CLTC: variants seen among roughly 807,000 people sequenced by gnomAD.
CLTC encodes the protein clathrin heavy chain, also known as clathrin heavy chain 1.
A neutral mutation model predicts 195.8 loss-of-function variants in CLTC; 16 were observed. The observed-to-expected ratio is 0.08, with a 90% CI of 0.06 to 0.12. The LOEUF is 0.12. CLTC is among the 10% of genes least tolerant of loss of function. CLTC has a pLI of 1.00. For synonymous variants in CLTC, 667 were observed against 689.4 expected, an observed-to-expected ratio of 0.97 and a Z score of 0.51; for missense variants, 796 against 2,027.0, an observed-to-expected ratio of 0.39 and a Z score of 11.66.
chr17:59,639,052 A>G (rs542029442), intron 1 of CLTC, among the ~76,000 whole-genome samples: 60 of 152,336 alleles, frequency 3.9e-4, no homozygotes, highest in African/African-American at 1.3e-3. Context: ...TTTAGGTGTC[A>G]AGTCCTAAAG....
intron 1 of CLTC, among the ~76,000 whole-genome samples, chr17:59,622,711 C>T (rs1319379594): frequency 2.0e-5 from 3 of 151,976 alleles, no homozygotes; most frequent in African/African-American, 7.2e-5. Context: ...TGGTCTTTGA[C>T]CTCTGAGCTT....
At chr17:59,674,529 T>C (rs2032923270) in intron 15 of CLTC, 172 bp from the exon 16 acceptor site, 1 of 553,540 alleles carries the variant, frequency 1.8e-6, no homozygotes, top group East Asian at 3.1e-5. Context: ...GACTTCCTGC[T>C]AAATTCCTCT....
chr17:59,680,345 T>C (rs2143589144), intron 18 of CLTC, among the ~76,000 whole-genome samples: 1 of 152,246 alleles, frequency 6.6e-6, no homozygotes, highest in South Asian at 2.1e-4. Context: ...GACAACATAT[T>C]TTAAAAGTTC....
intron 1 of CLTC, among the ~76,000 whole-genome samples, chr17:59,637,894 C>T (rs2143476509): frequency 6.7e-6 from 1 of 150,252 alleles, no homozygotes; most frequent in East Asian, 2.0e-4. Flanking sequence ...CCACCCTGGG[C>T]CACAGAGCAA....
At chr17:59,657,599 T>C (rs1472143564) in intron 6 of CLTC, among the ~76,000 whole-genome samples, 1 of 151,742 alleles carries the variant, frequency 6.6e-6, no homozygotes, top group Non-Finnish European at 1.5e-5. Flanking sequence ...AAACCCTGTC[T>C]CTACTAAAAA....
intron 1 of CLTC, among the ~76,000 whole-genome samples, chr17:59,638,676 A>G (rs1394595579): frequency 6.6e-6 from 1 of 152,132 alleles, no homozygotes; most frequent in African/African-American, 2.4e-5. Context: ...AGTTCACAAT[A>G]GGGTTCGCGT....
chr17:59,690,559 G>C, intron 30 of CLTC, 77 bp from the exon 31 acceptor site: 1 of 970,904 alleles, frequency 1.0e-6, no homozygotes, highest in Admixed American at 2.1e-5. Flanking sequence ...ACATACTAAG[G>C]CTTTTCCACT....
chr17:59,636,531 C>T (rs530989437), intron 1 of CLTC, among the ~76,000 whole-genome samples: 1 of 152,162 alleles, frequency 6.6e-6, no homozygotes, highest in African/African-American at 2.4e-5. Context: ...TCTCAGCTCA[C>T]TGCAACCTCT....
chr17:59,637,751 C>T (rs2031912220), intron 1 of CLTC, among the ~76,000 whole-genome samples: 1 of 149,938 alleles, frequency 6.7e-6, no homozygotes, highest in Non-Finnish European at 1.5e-5. Context: ...GTGGTACCAT[C>T]TATTTGGAAG....
chr17:59,659,619 AT>A (rs998674557), intron 6 of CLTC, among the ~76,000 whole-genome samples: 21 of 146,056 alleles, frequency 1.4e-4, no homozygotes, highest in Admixed American at 1.4e-4. Flanking sequence ...TAATTTTTAT[AT>A]TTTTTTTTTA....
At chr17:59,684,116 A>C in intron 28 of CLTC, 131 bp downstream of exon 28, 1 of 615,022 alleles carries the variant, frequency 1.6e-6, no homozygotes, top group East Asian at 2.8e-5. Flanking sequence ...AAATTTAGTA[A>C]GATTTCAGGA....
chr17:59,694,092 CT>C lies in CLTC; in HGVS notation c.*247del, dbSNP rs2033369837. The C allele has an allele frequency of 1.2e-5, 4 of 325,982 alleles. No homozygotes were observed. Among genetic ancestry groups the C allele is most frequent in the African/African-American group, 2.1e-5 (1 of 46,872 alleles). 20.2% of individuals were successfully genotyped at this position (325,982 alleles called of 1,614,324 possible). On this transcript the variant is annotated 3_prime_UTR_variant, in exon 32 of 32. Coordinates refer to ENST00000269122, the MANE Select transcript of CLTC (RefSeq NM_004859.4). ...AGTTTCAATGTTTTATTCACTTGGGCTTTTTTTCTTCCCCCTCTTTCTTTAA... is the reference window on the plus strand; with the variant it reads ...AGTTTCAATGTTTTATTCACTTGGGCTTTTTTCTTCCCCCTCTTTCTTTAA...
At position 59,674,774 on chromosome 17, in the gene CLTC, A is replaced by C. The variant is rs1296725950; in HGVS notation, c.2492A>C (p.Asn831Thr). 6.2e-7 allele frequency: 1 copy of C among 1,613,496 alleles called. No individual in the cohort carries two copies. Among genetic ancestry groups the C allele is most frequent in the Non-Finnish European group, 8.5e-7 (1 of 1,179,698 alleles). Reference sequence around the variant, plus strand: ...GACTGTTCTGAAGATGTCATAAAAAACTTGATTCTTGTTGTAAGAGGTCAA... The same window carrying C: ...GACTGTTCTGAAGATGTCATAAAAACCTTGATTCTTGTTGTAAGAGGTCAA... ...DVDCSEDVIK[N>T]LILVVRGQFS... The change falls in exon 16 of 32, where the codon AAC (asparagine) becomes ACC (threonine). Residue 831 changes from asparagine to threonine, a missense_variant. Transcript: ENST00000269122.
In CLTC at chr17:59,682,404, A is replaced by G. The variant is rs2033098578; in HGVS notation, c.3576A>G (p.Gly1192=). The G allele has an allele frequency of 1.9e-6, 3 of 1,613,968 alleles. No individual in the cohort carries two copies. The highest frequency in any genetic ancestry group is 2.5e-6 in the Non-Finnish European group (3 of 1,179,990). Residue 1192 remains glycine, a synonymous_variant, in exon 22 of 32, where the codon GGA becomes GGG. Transcript: ENST00000269122. The surrounding 1 kb of genome is among the most constrained non-coding windows in gnomAD (Gnocchi z 6.8). Reference sequence around the variant, plus strand: ...CAGAGTTAGAAGAATTTATCAATGGACCAAATAATGCTCATATCCAACAAG... The same window carrying G: ...CAGAGTTAGAAGAATTTATCAATGGGCCAAATAATGCTCATATCCAACAAG... ...RLAELEEFIN[G]PNNAHIQQVG...
chr17:59,659,555 A>T (rs1370582255), intron 6 of CLTC, among the ~76,000 whole-genome samples: 1 of 149,518 alleles, frequency 6.7e-6, no homozygotes, highest in Non-Finnish European at 1.5e-5. Flanking sequence ...GGTTCAAGCG[A>T]TTCTCCTGCT....
intron 30 of CLTC, among the ~76,000 whole-genome samples, chr17:59,687,443 G>A (rs775196079): frequency 1.3e-5 from 2 of 151,046 alleles, no homozygotes; most frequent in Admixed American, 6.6e-5. Context: ...GACAGTTGTC[G>A]AATTTATATA....
Position 59,683,316 on chromosome 17 carries a change from C to G in CLTC, c.4041+54C>G, listed in dbSNP as rs1277862213. 6.6e-5 allele frequency: 105 copies of G among 1,602,146 alleles called. No individual in the cohort carries two copies. The highest frequency in any genetic ancestry group is 8.8e-5 in the Non-Finnish European group (103 of 1,173,822). On this transcript the variant is annotated intron_variant, in intron 25 of 31. Coordinates refer to ENST00000269122, the MANE Select transcript of CLTC (RefSeq NM_004859.4). The surrounding 1 kb of genome is among the most constrained non-coding windows in gnomAD (Gnocchi z 6.1). ...AACTGTGTAGTTAAAACTAATGCTT[C>G]AAAATATCTTATTCTTTTTAAGGCT...
intron 10 of CLTC, among the ~76,000 whole-genome samples, chr17:59,665,882 C>T (rs1030849717): frequency 7.2e-5 from 11 of 151,992 alleles, no homozygotes; most frequent in Admixed American, 2.0e-4. Context: ...AAAGGTCTGT[C>T]GGTTCAGTTG....
In CLTC at chr17:59,693,760, A is replaced by G; in HGVS notation, c.4936A>G (p.Ser1646Gly). ...QPQLMLTAGP[S>G]VAVPPQAPFG... is the part of the protein sequence containing the mutation. Reference sequence around the variant, plus strand: ...CCAGTTGATGCTGACAGCAGGACCCAGTGTTGCCGTCCCTCCCCAGGCACC... The same window carrying G: ...CCAGTTGATGCTGACAGCAGGACCCGGTGTTGCCGTCCCTCCCCAGGCACC... Residue 1646 changes from serine to glycine, a missense_variant, in exon 32 of 32, where the codon AGT becomes GGT. By Grantham distance (56) the Ser-to-Gly change is moderately conservative. Coordinates refer to ENST00000269122, the MANE Select transcript of CLTC (RefSeq NM_004859.4). The G allele has an allele frequency of 6.2e-7, 1 of 1,613,836 alleles. No homozygotes were observed. Among genetic ancestry groups the G allele is most frequent in the Non-Finnish European group, 8.5e-7 (1 of 1,179,852 alleles).
Sources: gnomAD v4.1 joint callset for allele counts (sites outside exome capture counted in the v4.1 genomes callset) on GRCh38, gnomAD v4.1.1 for gene constraint, Gnocchi (gnomAD v3.1) non-coding constraint, MANE v1.5 for transcripts, NCBI Gene and HGNC (gene_info 2026-07-23, HGNC 2026-07-21) for gene names.